Variants in CPNE4 observed in about 807,000 individuals in gnomAD.
CPNE4 encodes the protein copine-4.
Under a neutral mutation model 67.9 loss-of-function variants are expected in CPNE4, and 25 were observed. That is an observed-to-expected ratio of 0.37 (90% CI 0.27 to 0.51). The LOEUF is 0.51. CPNE4 is among the 20% of genes least tolerant of loss of function. CPNE4 has a pLI of 0.93. For synonymous variants in CPNE4, 242 were observed against 244.9 expected, an observed-to-expected ratio of 0.99 and a Z score of 0.11; for missense variants, 464 against 690.8, an observed-to-expected ratio of 0.67 and a Z score of 3.68.
At chr3:131,867,824 C>T (rs1240460640) in intron 2 of CPNE4, among the ~76,000 whole-genome samples, 1 of 152,084 alleles carries the variant, frequency 6.6e-6, no homozygotes, top group Non-Finnish European at 1.5e-5. Context: ...AAGAGATGAA[C>T]CATCTCTCTC....
intron 2 of CPNE4, among the ~76,000 whole-genome samples, chr3:131,804,546 G>A (rs1284366901): frequency 1.3e-5 from 2 of 151,992 alleles, no homozygotes; most frequent in Non-Finnish European, 2.9e-5. Context: ...CACAAAAATG[G>A]TTTTCTTTTA....
At chr3:131,825,483 G>A (rs2085119613) in intron 2 of CPNE4, among the ~76,000 whole-genome samples, 1 of 140,900 alleles carries the variant, frequency 7.1e-6, no homozygotes, top group Non-Finnish European at 1.5e-5. Flanking sequence ...GAAACAGAGC[G>A]AGACTCCGTC....
intron 1 of CPNE4, among the ~76,000 whole-genome samples, chr3:131,967,059 C>A (rs2072371105): frequency 6.6e-6 from 1 of 152,192 alleles, no homozygotes. Context: ...GGATGCAAGG[C>A]TGGTTCAACA....
At chr3:132,029,403 A>G (rs552837322) in intron 1 of CPNE4, among the ~76,000 whole-genome samples, 1 of 152,284 alleles carries the variant, frequency 6.6e-6, no homozygotes, top group South Asian at 2.1e-4. Context: ...GGGTTGGGTC[A>G]AACTCCATTC....
At chr3:131,984,776 T>C (rs1157483110) in intron 1 of CPNE4, among the ~76,000 whole-genome samples, 1 of 152,214 alleles carries the variant, frequency 6.6e-6, no homozygotes, top group Non-Finnish European at 1.5e-5. Flanking sequence ...GGTAGATTAA[T>C]ACCTCAGTTT....
At chr3:131,612,201 C>A (rs1049839070) in intron 7 of CPNE4, among the ~76,000 whole-genome samples, 3 of 152,082 alleles carry the variant, frequency 2.0e-5, no homozygotes, top group African/African-American at 7.2e-5. Context: ...TGGTGAAACC[C>A]CATGTCTACT....
chr3:131,830,824 G>A (rs1364182527), intron 2 of CPNE4, among the ~76,000 whole-genome samples: 1 of 152,018 alleles, frequency 6.6e-6, no homozygotes, highest in Admixed American at 6.6e-5. Context: ...AGTAGGTACT[G>A]AATAAATATT....
intron 2 of CPNE4, among the ~76,000 whole-genome samples, chr3:131,862,291 T>G (rs2086723041): frequency 6.6e-6 from 1 of 152,178 alleles, no homozygotes; most frequent in African/African-American, 2.4e-5. Flanking sequence ...TTCTCAGTCA[T>G]CTTGACTCCA....
chr3:131,676,029 C>T (rs1214782180), intron 6 of CPNE4, among the ~76,000 whole-genome samples: 3 of 138,512 alleles, frequency 2.2e-5, no homozygotes, highest in Non-Finnish European at 4.6e-5. Context: ...ATGTTATAAC[C>T]TATTATTATT....
chr3:131,978,101 AT>A (rs2072729873), intron 1 of CPNE4, among the ~76,000 whole-genome samples: 1 of 75,004 alleles, frequency 1.3e-5, no homozygotes, highest in African/African-American at 1.0e-4. Context: ...ATATATATAA[AT>A]ATATATAAAA....
intron 9 of CPNE4, among the ~76,000 whole-genome samples, 156 bp downstream of exon 9, chr3:131,581,423 A>C (rs188318218): frequency 1.3e-5 from 2 of 152,208 alleles, no homozygotes; most frequent in African/African-American, 2.4e-5. Flanking sequence ...CCATGCTTAC[A>C]TTTCTCATTT....
intron 2 of CPNE4, among the ~76,000 whole-genome samples, chr3:131,753,928 GAATATACCCCTTAGA>G (rs2082690769): frequency 2.0e-5 from 3 of 152,024 alleles, no homozygotes; most frequent in Admixed American, 2.0e-4. Context: ...CTGTACTTCA[GAATATACCCCTTAGA>G]AATAAAACCA....
Position 131,600,031 on chromosome 3 carries a change from A to C in CPNE4, c.682-12449T>G, listed in dbSNP as rs550408958. Among the ~76,000 whole-genome samples, 10 of 152,246 alleles carry C rather than the reference A, an allele frequency of 6.6e-5. No homozygotes were observed. The South Asian group carries it at 2.1e-3, about 32-fold the overall frequency. On this transcript the variant is annotated intron_variant, in intron 7 of 15. Transcript: ENST00000429747. ...TTGGGCATCCTGAGGGTTGATCTAT[A>C]TCTCTATGCAGTTGGGTTGTTTCTT...
chr3:132,029,419 C>T (rs1013622750), intron 1 of CPNE4, among the ~76,000 whole-genome samples: 19 of 152,134 alleles, frequency 1.2e-4, no homozygotes, highest in Non-Finnish European at 2.2e-4. Flanking sequence ...CATTCCTTAT[C>T]CTAGAAGCCC....
intron 1 of CPNE4, among the ~76,000 whole-genome samples, chr3:131,931,679 T>C (rs913438205): frequency 6.6e-6 from 1 of 152,118 alleles, no homozygotes; most frequent in Non-Finnish European, 1.5e-5. Context: ...CTCTACCTCT[T>C]TACAACTTAG....
chr3:131,809,916 C>T (rs1016083663), intron 2 of CPNE4, among the ~76,000 whole-genome samples: 1 of 150,734 alleles, frequency 6.6e-6, no homozygotes, highest in Non-Finnish European at 1.5e-5. Context: ...TTTTGCAATA[C>T]ACAAGAAAAA....
intron 1 of CPNE4, among the ~76,000 whole-genome samples, chr3:131,953,411 CAG>C (rs2071840161): frequency 6.6e-6 from 1 of 151,956 alleles, no homozygotes; most frequent in African/African-American, 2.4e-5. Flanking sequence ...CTAATTTTTT[CAG>C]AGTTTTTATC....
At chr3:131,610,457 C>T (rs1169029379) in intron 7 of CPNE4, among the ~76,000 whole-genome samples, 2 of 152,182 alleles carry the variant, frequency 1.3e-5, no homozygotes, top group Non-Finnish European at 2.9e-5. Context: ...TGTTGGAGGG[C>T]TGTCCTGAGA....
intron 2 of CPNE4, among the ~76,000 whole-genome samples, chr3:131,725,985 T>C (rs1583088999): frequency 6.6e-6 from 1 of 152,210 alleles, no homozygotes; most frequent in East Asian, 1.9e-4. Context: ...TAATGAGCCA[T>C]ATAAGAGATT....
Sources: allele counts gnomAD v4.1 joint callset (sites outside exome capture counted in the v4.1 genomes callset), GRCh38; gene constraint gnomAD v4.1.1; transcripts MANE v1.5; gene names NCBI Gene and HGNC (gene_info 2026-07-23, HGNC 2026-07-21).